MYH11: variants seen among roughly 807,000 people sequenced by gnomAD.
The protein encoded by MYH11 is myosin-11.
Under a neutral mutation model 246.6 loss-of-function variants are expected in MYH11, and 80 were observed. The ratio of observed to expected loss-of-function variants is 0.32; its 90% CI spans 0.27 to 0.39. The LOEUF (loss-of-function observed/expected upper bound fraction) is 0.39. Among genes scored for constraint, MYH11 ranks in the 10% least tolerant of loss-of-function variants. The pLI is 1.00. For synonymous variants in MYH11, 1,071 were observed against 1,015.5 expected (o/e 1.05, Z -1.04); for missense variants, 2,158 against 2,546.8 (o/e 0.85, Z 3.29).
In MYH11 at chr16:15,788,106, C is replaced by T. The variant is rs1438455628; in HGVS notation, c.531-1374G>A. Among the ~76,000 whole-genome samples the T allele has an allele frequency of 1.5e-4, 4 of 26,732 alleles. 1 individual carries two copies. Among genetic ancestry groups the T allele is most frequent in the African/African-American group, 5.9e-4 (2 of 3,400 alleles). The allele number at this position is 26,732 out of a possible 152,430, so 17.5% of individuals were successfully genotyped here. A position where few individuals can be genotyped will look rare whatever the true frequency, so the allele number is the denominator to read the frequency against. On this transcript the variant is annotated intron_variant, in intron 4 of 40. Coordinates refer to ENST00000300036, the MANE Select transcript of MYH11 (RefSeq NM_002474.3). ...TTTTTTTTTTTTTTTACCAAGATGGCTTTCGTGCACTAGCTGCCTGTTTTG... is the reference window on the plus strand; with the variant it reads ...TTTTTTTTTTTTTTTACCAAGATGGTTTTCGTGCACTAGCTGCCTGTTTTG...
At position 15,828,583 on chromosome 16, in the gene MYH11, A is replaced by G. The variant is rs536860846; in HGVS notation, c.346-5172T>C. Among the ~76,000 whole-genome samples, 13 of 152,330 alleles carry G rather than the reference A, an allele frequency of 8.5e-5. No individual in the cohort carries two copies. In the East Asian group the frequency reaches 2.5e-3, roughly 29 times the overall value. On this transcript the variant is annotated intron_variant, in intron 2 of 40. Coordinates refer to ENST00000300036, the MANE Select transcript of MYH11 (RefSeq NM_002474.3). ...CAAGGAGGTCAGATCACTTGAGGTC[A>G]GGAGTTCGAGACCAGCCTGGCCAAC...
rs1815151210 is a variant in MYH11, at chr16:15,724,570, G to A, written c.4116+77C>T. On this transcript the variant is annotated intron_variant, in intron 30 of 40. Coordinates refer to ENST00000300036, the MANE Select transcript of MYH11 (RefSeq NM_002474.3). ...AGCACCATCGCACCAACACTCCACC[G>A]CGATCTGCCTGCGGGGGATCTCAGC... 6.2e-6 allele frequency: 10 copies of A among 1,610,338 alleles called. No individual in the cohort carries two copies. In the Admixed American group the frequency reaches 6.7e-5, roughly 11 times the overall value.
At chr16:15,753,536 C>T (rs944167250) in intron 14 of MYH11, 28 bp from the exon 15 acceptor site, 6 of 1,581,268 alleles carry the variant, frequency 3.8e-6, no homozygotes, top group Non-Finnish European at 5.2e-6. Context: ...CTGGTCAGAA[C>T]CCCTGGGAAA....
chr16:15,751,617 T>A (rs2041575049), intron 15 of MYH11, among the ~76,000 whole-genome samples: 1 of 145,740 alleles, frequency 6.9e-6, no homozygotes, highest in African/African-American at 2.6e-5. Context: ...ATCTTTTTTT[T>A]TTTTTTTTTT....
chr16:15,854,502 G>C (rs9932525), intron 1 of MYH11, among the ~76,000 whole-genome samples: 1 of 152,046 alleles, frequency 6.6e-6, no homozygotes, highest in Non-Finnish European at 1.5e-5. Flanking sequence ...AAGCCAGTTA[G>C]AATAACAGTA....
chr16:15,783,713 C>T (rs912773666), intron 5 of MYH11, among the ~76,000 whole-genome samples: 2 of 152,086 alleles, frequency 1.3e-5, no homozygotes, highest in African/African-American at 4.8e-5. Context: ...AAAAGGCTCC[C>T]TTTCTAGAAT....
Position 15,774,021 on chromosome 16 carries a change from C to T in MYH11, c.889+2057G>A, listed in dbSNP as rs151150332. 3.0e-3 allele frequency among the ~76,000 whole-genome samples: 454 copies of T among 152,172 alleles called. 1 individual carries two copies. The highest frequency in any genetic ancestry group is 4.3e-3 in the Non-Finnish European group (293 of 68,018). Reference sequence around the variant, plus strand: ...GATCAATCTTTAATTAGGATGGATTCGGTTATACTTTTGGAGAGACGTCAG... The same window carrying T: ...GATCAATCTTTAATTAGGATGGATTTGGTTATACTTTTGGAGAGACGTCAG... On this transcript the variant is annotated intron_variant, in intron 8 of 40. Coordinates refer to ENST00000300036, the MANE Select transcript of MYH11 (RefSeq NM_002474.3).
At chr16:15,738,808 C>T in intron 23 of MYH11, 120 bp from the exon 24 acceptor site, 1 of 1,184,666 alleles carries the variant, frequency 8.4e-7, no homozygotes, top group South Asian at 1.4e-5. Context: ...TAACAAAATA[C>T]AACTAGAGTT....
At chr16:15,826,954 GC>G (rs2043584860) in intron 2 of MYH11, among the ~76,000 whole-genome samples, 1 of 140,238 alleles carries the variant, frequency 7.1e-6, no homozygotes, top group East Asian at 2.2e-4. Flanking sequence ...CCAAGGTGGT[GC>G]CATTGCACTC....
At chr16:15,761,563 G>A (rs181673452) in intron 10 of MYH11, among the ~76,000 whole-genome samples, 1 of 152,120 alleles carries the variant, frequency 6.6e-6, no homozygotes, top group East Asian at 1.9e-4. Context: ...CAACCTAAAT[G>A]CTCTTCTTTT....
chr16:15,817,876 G>A (rs1480633469), intron 3 of MYH11, among the ~76,000 whole-genome samples: 3 of 152,034 alleles, frequency 2.0e-5, no homozygotes, highest in Admixed American at 6.6e-5. Context: ...ACCATTCTTC[G>A]AGGCTTATAA....
chr16:15,714,993 C>T lies in MYH11; in HGVS notation c.5702G>A (p.Arg1901Lys), dbSNP rs2151192042. The T allele has an allele frequency of 6.2e-7, 1 of 1,614,060 alleles. No homozygotes were observed. Among genetic ancestry groups the T allele is most frequent in the East Asian group, 2.2e-5 (1 of 44,876 alleles). ...EESQRINANR[R>K]KLQRELDEAT... The stretch of plus-strand genomic sequence containing the variant: ...CTCATCCAGCTCCCGCTGCAGCTTC[C>T]TGCGGTTGGCGTTGATGCGCTGGGA... The change falls in exon 40 of 41, where the codon AGG (arginine) becomes AAG (lysine). Residue 1901 changes from arginine (R) to lysine (K), a missense_variant. Transcript: ENST00000300036.
intron 15 of MYH11, among the ~76,000 whole-genome samples, chr16:15,751,118 G>GTATTATTATTAT (rs56124315): frequency 1.4e-5 from 2 of 143,320 alleles, no homozygotes; most frequent in African/African-American, 2.5e-5. Context: ...CAAAAAGTAG[G>GTATTATTATTAT]TATTATTATT....
intron 3 of MYH11, among the ~76,000 whole-genome samples, chr16:15,804,876 G>T (rs1567187656): frequency 6.6e-6 from 1 of 152,184 alleles, no homozygotes; most frequent in Admixed American, 6.5e-5. Context: ...ACATTGTACG[G>T]ATGGATCATA....
At chr16:15,836,178 G>T (rs2043886984) in intron 2 of MYH11, among the ~76,000 whole-genome samples, 1 of 152,052 alleles carries the variant, frequency 6.6e-6, no homozygotes, top group Non-Finnish European at 1.5e-5. Context: ...GGCCGGGTTG[G>T]GTGACCTCTG....
At chr16:15,782,260 T>C in intron 6 of MYH11, 125 bp downstream of exon 6, 1 of 781,148 alleles carries the variant, frequency 1.3e-6, no homozygotes, top group East Asian at 2.5e-5. Context: ...TGCAAGATTG[T>C]GAGATACAGC....
At chr16:15,708,972 A>G (rs2039625186) in intron 40 of MYH11, 6 of 985,024 alleles carry the variant, frequency 6.1e-6, no homozygotes, top group Non-Finnish European at 6.3e-6. Flanking sequence ...ATTTTGAGAT[A>G]GTCTCTGTCA....
At chr16:15,751,120 A>G (rs1003527090) in intron 15 of MYH11, among the ~76,000 whole-genome samples, 2 of 28,138 alleles carry the variant, frequency 7.1e-5, no homozygotes, top group African/African-American at 3.5e-4. Flanking sequence ...AAAAGTAGGT[A>G]TTATTATTAT....
intron 40 of MYH11, among the ~76,000 whole-genome samples, chr16:15,711,893 A>G (rs536541402): frequency 6.6e-6 from 1 of 152,236 alleles, no homozygotes; most frequent in East Asian, 1.9e-4. Flanking sequence ...GGGTTTCACC[A>G]TGTTGGTCAG....
Sources: gnomAD v4.1 joint callset for allele counts (sites outside exome capture counted in the v4.1 genomes callset) on GRCh38, gnomAD v4.1.1 for gene constraint, MANE v1.5 for transcripts, NCBI Gene and HGNC (gene_info 2026-07-23, HGNC 2026-07-21) for gene names.